DERL2: variants seen among roughly 807,000 people sequenced by gnomAD.
The protein encoded by DERL2 is derlin-2.
A neutral mutation model predicts 32.0 loss-of-function variants in DERL2; 13 were observed. That is an observed-to-expected ratio of 0.41 (90% confidence interval 0.26 to 0.65). The LOEUF is 0.65. Ranked by LOEUF, DERL2 falls within the 30% of genes least tolerant of loss-of-function variation. The pLI is 0.35. For missense variants in DERL2, 208 were observed against 296.3 expected (o/e 0.70, Z 2.19); for synonymous variants, 111 against 104.7 (o/e 1.06, Z -0.37).
At position 5,471,888 on chromosome 17, in the gene DERL2, T is replaced by G. The variant is rs1312679362; in HGVS notation, c.*2796A>C. The stretch of plus-strand genomic sequence containing the variant: ...GGAAGCCCATTACTCAACATGGCAA[T>G]AGCTCCAATGCTTCCTTATTTTCAG... On this transcript the variant is annotated 3_prime_UTR_variant, in exon 7 of 7. Coordinates refer to ENST00000158771, the MANE Select transcript of DERL2 (RefSeq NM_016041.5). 6.6e-6 allele frequency: 1 copy of G among 152,136 alleles called. No individual in the cohort carries two copies. The highest frequency in any genetic ancestry group is 1.5e-5 in the Non-Finnish European group (1 of 68,028). The allele number at this position is 152,136 out of a possible 1,614,324, so 9.4% of individuals were successfully genotyped here.
chr17:5,486,265 T>C, upstream of DERL2: 1 of 951,916 alleles, frequency 1.1e-6, no homozygotes, highest in South Asian at 1.8e-5. Context: ...CCACTTTAGT[T>C]TTCCCGCGAC....
At chr17:5,475,871 C>T (rs1905350228) in intron 6 of DERL2, among the ~76,000 whole-genome samples, 1 of 152,092 alleles carries the variant, frequency 6.6e-6, no homozygotes, top group Non-Finnish European at 1.5e-5. Flanking sequence ...CACTTAGGTA[C>T]AGAGTAGTCA....
rs374113875 is a variant in DERL2 at position 5,485,228 on chromosome 17, A to G, written c.94-12T>C. The G allele has an allele frequency of 3.8e-6, 6 of 1,563,918 alleles. No individual in the cohort carries two copies. Among genetic ancestry groups the G allele is most frequent in the Non-Finnish European group, 5.2e-6 (6 of 1,160,112 alleles). ...ATCAATTCCAACTGCTGAAATAGAA[A>G]AAGAGCTTCTTAAAGCAAATCAAGA... On this transcript the variant is annotated splice_polypyrimidine_tract_variant and intron_variant, in intron 1 of 6. Coordinates refer to ENST00000158771, the MANE Select transcript of DERL2 (RefSeq NM_016041.5).
chr17:5,482,049 G>A (rs1222458064), intron 3 of DERL2, among the ~76,000 whole-genome samples: 2 of 152,210 alleles, frequency 1.3e-5, no homozygotes, highest in African/African-American at 2.4e-5. Flanking sequence ...TAACTTGGAA[G>A]AAATCCGCAG....
At position 5,473,171 on chromosome 17, in the gene DERL2, G is replaced by A. The variant is rs575215136; in HGVS notation, c.*1513C>T. On this transcript the variant is annotated 3_prime_UTR_variant, in exon 7 of 7. Transcript: ENST00000158771. ...AGCTACCCCTTAACAAAGGTTGAAT[G>A]AACTACTACTAACAATCCACTTTTG... The A allele has an allele frequency of 1.3e-5, 2 of 152,212 alleles. No individual in the cohort carries two copies. Among genetic ancestry groups the A allele is most frequent in the East Asian group, 1.9e-4 (1 of 5,198 alleles). 9.4% of individuals were successfully genotyped at this position (152,212 alleles called of 1,614,324 possible).
chr17:5,482,006 C>T (rs1168896118), intron 3 of DERL2, among the ~76,000 whole-genome samples: 1 of 152,138 alleles, frequency 6.6e-6, no homozygotes, highest in Non-Finnish European at 1.5e-5. Flanking sequence ...TCAGCCACAC[C>T]TTAATATGCA....
At chr17:5,485,105 AAAG>A in intron 2 of DERL2, 43 bp downstream of exon 2, 1 of 1,371,574 alleles carries the variant, frequency 7.3e-7, no homozygotes, top group Non-Finnish European at 1.0e-6. Context: ...ACAGTAAGAA[AAAG>A]AAGAAACTGA....
intron 6 of DERL2, among the ~76,000 whole-genome samples, chr17:5,476,810 C>T (rs985321336): frequency 3.3e-5 from 5 of 152,102 alleles, no homozygotes; most frequent in African/African-American, 9.7e-5. Flanking sequence ...AAAAACAAAA[C>T]TGAGATCCCT....
chr17:5,486,420 A>G (rs1255965766), upstream of DERL2: 1 of 442,692 alleles, frequency 2.3e-6, no homozygotes, highest in African/African-American at 2.1e-5. Flanking sequence ...GGGAAAAACG[A>G]GTAAGTACAG....
chr17:5,480,620 G>A (rs1905713601), intron 4 of DERL2, 38 bp from the exon 5 acceptor site: 1 of 1,439,514 alleles, frequency 6.9e-7, no homozygotes, highest in Non-Finnish European at 9.2e-7. Context: ...AACATTAAAA[G>A]TTTAATAGGA....
Position 5,481,129 on chromosome 17 carries a change from A to G in DERL2, c.327+167T>C, listed in dbSNP as rs1417162608. 1 of 669,392 alleles carries G rather than the reference A, an allele frequency of 1.5e-6. No individual in the cohort carries two copies. Among genetic ancestry groups the G allele is most frequent in the African/African-American group, 1.8e-5 (1 of 54,514 alleles). 41.5% of individuals were successfully genotyped at this position (669,392 alleles called of 1,614,324 possible). A position where few individuals can be genotyped will look rare whatever the true frequency, so the allele number is the denominator to read the frequency against. ...GGTTAAAAGTTCCTTTGACTTGCTC[A>G]TCCTGTCCGACTGCTAGGTTTGGAA... On this transcript the variant is annotated intron_variant, in intron 4 of 6. Transcript: ENST00000158771. This position sits in a 1 kb window ranked among gnomAD's most constrained non-coding sequence, Gnocchi z 4.4.
At chr17:5,475,746 C>CA (rs954208789) in intron 6 of DERL2, among the ~76,000 whole-genome samples, 4 of 151,070 alleles carry the variant, frequency 2.6e-5, no homozygotes, top group South Asian at 2.1e-4. Flanking sequence ...AAGACTGTCT[C>CA]AAAAAAAAGG....
At position 5,480,590 on chromosome 17, in the gene DERL2, A is replaced by C. The variant is rs756500074; in HGVS notation, c.328-8T>G. The C allele has an allele frequency of 6.7e-7, 1 of 1,486,338 alleles. No individual in the cohort carries two copies. The highest frequency in any genetic ancestry group is 2.5e-5 in the East Asian group (1 of 39,990). The allele number at this position is 1,486,338 out of a possible 1,614,324, so 92.1% of individuals were successfully genotyped here. ...CACAAACAGACCAAAAAGCTAGCAG[A>C]TGGCATTAAGGAAAATATCAACATT... On this transcript the variant is annotated splice_polypyrimidine_tract_variant and splice_region_variant and intron_variant, in intron 4 of 6. Transcript: ENST00000158771.
Position 5,482,834 on chromosome 17 carries a change from T to C in DERL2, c.208A>G (p.Asn70Asp), listed in dbSNP as rs1905878933. 1 of 1,518,746 alleles carries C rather than the reference T, an allele frequency of 6.6e-7. No homozygotes were observed. The highest frequency in any genetic ancestry group is 9.0e-7 in the Non-Finnish European group (1 of 1,112,336). 94.1% of individuals were successfully genotyped at this position (1,518,746 alleles called of 1,614,324 possible). A position where few individuals can be genotyped will look rare whatever the true frequency, so the allele number is the denominator to read the frequency against. The change falls in exon 3 of 7, where the codon AAT (asparagine) becomes GAT (aspartate). Residue 70 changes from asparagine (N) to aspartate (D), a missense_variant. This residue lies in a region of DERL2 where 124 missense variants were observed against 215.3 expected (regional missense o/e 0.58). Transcript: ENST00000158771. ...NFLFFGPVGF[N>D]FLFNMIFLYR... ...AGAAAAATCATGTTAAATAAAAAATTGAATCCAACTGGCCCAAAAAATAAG... is the reference window on the plus strand; with the variant it reads ...AGAAAAATCATGTTAAATAAAAAATCGAATCCAACTGGCCCAAAAAATAAG...
intron 4 of DERL2, chr17:5,480,970 T>C: frequency 3.6e-6 from 2 of 550,704 alleles, no homozygotes; most frequent in Non-Finnish European, 6.3e-6. Flanking sequence ...ATTGTATAGA[T>C]GAAAATTCTT....
At chr17:5,484,329 C>T (rs1239831255) in intron 2 of DERL2, among the ~76,000 whole-genome samples, 1 of 152,272 alleles carries the variant, frequency 6.6e-6, no homozygotes, top group Non-Finnish European at 1.5e-5. Flanking sequence ...TCACTGCAAC[C>T]TCCGCCTCCC....
chr17:5,481,163 C>T lies in DERL2; in HGVS notation c.327+133G>A, dbSNP rs1905752486. 2 of 749,348 alleles carry T rather than the reference C, an allele frequency of 2.7e-6. No homozygotes were observed. The highest frequency in any genetic ancestry group is 3.6e-5 in the African/African-American group (2 of 55,828). 46.4% of individuals were successfully genotyped at this position (749,348 alleles called of 1,614,324 possible). A position where few individuals can be genotyped will look rare whatever the true frequency, so the allele number is the denominator to read the frequency against. ...GACTGCTAGGTTTGGAAACTTGTCA[C>T]AGAAAATGTGCTGTAAAATAAATGA... On this transcript the variant is annotated intron_variant, in intron 4 of 6. Transcript: ENST00000158771. The surrounding 1 kb of genome is among the most constrained non-coding windows in gnomAD (Gnocchi z 4.4).
At chr17:5,478,574 G>C (rs993931594) in intron 6 of DERL2, among the ~76,000 whole-genome samples, 3 of 152,164 alleles carry the variant, frequency 2.0e-5, no homozygotes, top group African/African-American at 7.2e-5. Context: ...AAGGCGTTTG[G>C]CAACAAAATA....
In DERL2 at chr17:5,481,579, CATT is replaced by C. The variant is rs1249756467; in HGVS notation, c.234-193_234-191del. Among the ~76,000 whole-genome samples, 2 of 152,008 alleles carry C rather than the reference CATT, an allele frequency of 1.3e-5. No homozygotes were observed. Among genetic ancestry groups the C allele is most frequent in the African/African-American group, 4.8e-5 (2 of 41,382 alleles). ...TTTGAGAAAAGGTCAAGACCAGCAT[CATT>C]TTTTACAAACTGTCCCTGGCTGGGA... is the stretch of plus-strand genomic sequence containing the variant. On this transcript the variant is annotated intron_variant, in intron 3 of 6. Transcript: ENST00000158771. The surrounding 1 kb of genome is among the most constrained non-coding windows in gnomAD (Gnocchi z 4.4).
Sources: allele counts gnomAD v4.1 joint callset (sites outside exome capture counted in the v4.1 genomes callset), GRCh38; gene constraint gnomAD v4.1.1; regional missense constraint gnomAD v4.1.1; non-coding constraint Gnocchi (gnomAD v3.1); transcripts MANE v1.5; gene names NCBI Gene and HGNC (gene_info 2026-07-23, HGNC 2026-07-21).